LCLAT1: variants seen among roughly 807,000 people sequenced by gnomAD.
The protein encoded by LCLAT1 is lysocardiolipin acyltransferase 1.
LCLAT1 carries 11 observed loss-of-function variants against 30.7 expected under a neutral mutation model. The observed-to-expected ratio is 0.36, with a 90% CI of 0.23 to 0.59. LCLAT1 has a LOEUF of 0.59. Ranked by LOEUF, LCLAT1 falls within the 20% of genes least tolerant of loss-of-function variation. LCLAT1 has a pLI of 0.77. For missense variants in LCLAT1, 402 were observed against 458.6 expected (o/e 0.88, Z 1.13); for synonymous variants, 155 against 151.3 (o/e 1.02, Z -0.18).
intron 1 of LCLAT1, among the ~76,000 whole-genome samples, chr2:30,463,484 A>G (rs1682270418): frequency 1.3e-5 from 2 of 152,198 alleles, no homozygotes; most frequent in African/African-American, 4.8e-5. Flanking sequence ...ATGTTAATGT[A>G]TAGTCAGCCC....
chr2:30,486,831 A>T (rs891723980), intron 1 of LCLAT1, among the ~76,000 whole-genome samples: 1 of 152,194 alleles, frequency 6.6e-6, no homozygotes, highest in Non-Finnish European at 1.5e-5. Context: ...CTGAATGACT[A>T]TGTAAGAGAA....
At chr2:30,587,919 A>G (rs956089022) in intron 5 of LCLAT1, among the ~76,000 whole-genome samples, 3 of 152,246 alleles carry the variant, frequency 2.0e-5, no homozygotes, top group East Asian at 1.9e-4. Context: ...TTCCTAGCCT[A>G]AAGATACAGA....
chr2:30,554,444 G>T (rs1386244352), intron 3 of LCLAT1, among the ~76,000 whole-genome samples: 1 of 152,206 alleles, frequency 6.6e-6, no homozygotes, highest in African/African-American at 2.4e-5. Context: ...CAGAGAGGTT[G>T]TTTAGTACCG....
At chr2:30,576,546 A>C (rs957535563) in intron 5 of LCLAT1, among the ~76,000 whole-genome samples, 12 of 152,136 alleles carry the variant, frequency 7.9e-5, no homozygotes, top group African/African-American at 2.9e-4. Flanking sequence ...ATGAAAATCA[A>C]AATTCTCAGC....
intron 3 of LCLAT1, among the ~76,000 whole-genome samples, chr2:30,555,843 T>TC (rs1414216646): frequency 6.7e-6 from 1 of 149,342 alleles, no homozygotes; most frequent in Admixed American, 6.7e-5. Flanking sequence ...CTTTTTCTTT[T>TC]TTTTTTTTTT....
intron 1 of LCLAT1, among the ~76,000 whole-genome samples, chr2:30,484,372 T>G (rs1256460896): frequency 7.9e-5 from 12 of 152,182 alleles, no homozygotes; most frequent in Admixed American, 7.9e-4. Context: ...TCAGTCATTT[T>G]GAAAGCCACA....
intron 1 of LCLAT1, among the ~76,000 whole-genome samples, chr2:30,510,279 G>T (rs926876807): frequency 8.5e-5 from 13 of 152,128 alleles, no homozygotes; most frequent in Admixed American, 8.5e-4. Context: ...CTTTTTAAAA[G>T]ATTGTATGGG....
chr2:30,543,132 G>A (rs1664230925), intron 3 of LCLAT1, among the ~76,000 whole-genome samples: 1 of 151,952 alleles, frequency 6.6e-6, no homozygotes, highest in South Asian at 2.1e-4. Flanking sequence ...TTAGGTTGAG[G>A]AGTTCCCTTC....
At chr2:30,621,679 C>A (rs1668257566) in intron 5 of LCLAT1, among the ~76,000 whole-genome samples, 2 of 152,028 alleles carry the variant, frequency 1.3e-5, no homozygotes, top group Admixed American at 1.3e-4. Flanking sequence ...TTGACCTTAC[C>A]TGGAGCTGAG....
chr2:30,603,963 A>T (rs899169941), intron 5 of LCLAT1, among the ~76,000 whole-genome samples: 1 of 152,216 alleles, frequency 6.6e-6, no homozygotes, highest in African/African-American at 2.4e-5. Context: ...GATTTGTGGA[A>T]TAAGAAATGT....
At position 30,495,593 on chromosome 2, in the gene LCLAT1, C is replaced by T. The variant is rs116725431; in HGVS notation, c.-4-29994C>T. On this transcript the variant is annotated intron_variant, in intron 1 of 5. Transcript: ENST00000379509. Reference sequence around the variant, plus strand: ...GAAAGAAAAAGCACCAACAGATTTCCAAAATGCTCTTAGAGGGGTAGTGCC... The same window carrying T: ...GAAAGAAAAAGCACCAACAGATTTCTAAAATGCTCTTAGAGGGGTAGTGCC... Among the ~76,000 whole-genome samples the T allele has an allele frequency of 6.0e-3, 913 of 152,014 alleles. 4 individuals are homozygous for T. Among genetic ancestry groups the T allele is most frequent in the Non-Finnish European group, 8.9e-3 (603 of 67,964 alleles).
intron 1 of LCLAT1, among the ~76,000 whole-genome samples, chr2:30,475,201 G>T (rs917297784): frequency 1.3e-5 from 2 of 151,426 alleles, no homozygotes; most frequent in Non-Finnish European, 2.9e-5. Flanking sequence ...GTCTCACTGT[G>T]TTGCCCAGGC....
intron 1 of LCLAT1, among the ~76,000 whole-genome samples, chr2:30,522,763 C>G (rs1303269380): frequency 6.6e-6 from 1 of 152,192 alleles, no homozygotes; most frequent in African/African-American, 2.4e-5. Flanking sequence ...ACCTTTCTAC[C>G]TGCTTAAGTC....
intron 5 of LCLAT1, among the ~76,000 whole-genome samples, chr2:30,619,981 T>TA (rs1250127921): frequency 6.6e-6 from 1 of 152,134 alleles, no homozygotes. Context: ...TCCTGTAAGT[T>TA]AAAATTGTTG....
chr2:30,573,194 A>T (rs1665859294), intron 5 of LCLAT1, among the ~76,000 whole-genome samples: 1 of 152,202 alleles, frequency 6.6e-6, no homozygotes, highest in African/African-American at 2.4e-5. Flanking sequence ...CATGCTGTGA[A>T]ATCCCAAACA....
chr2:30,502,503 A>T (rs986051218), intron 1 of LCLAT1, among the ~76,000 whole-genome samples: 2 of 152,110 alleles, frequency 1.3e-5, no homozygotes, highest in Admixed American at 6.6e-5. Flanking sequence ...CTTTGTACTA[A>T]TTAGTAGTCA....
chr2:30,602,100 C>T (rs1430701727), intron 5 of LCLAT1, among the ~76,000 whole-genome samples: 2 of 152,004 alleles, frequency 1.3e-5, no homozygotes, highest in Admixed American at 1.3e-4. Flanking sequence ...AATAGGATTT[C>T]AGGTGGCAGG....
intron 1 of LCLAT1, among the ~76,000 whole-genome samples, chr2:30,499,373 G>T (rs829668): frequency 2.0e-5 from 3 of 151,932 alleles, no homozygotes; most frequent in Non-Finnish European, 4.4e-5. Flanking sequence ...GTAGAGACAG[G>T]GTTTCGCCAT....
At chr2:30,563,606 T>G (rs1665339905) in intron 4 of LCLAT1, among the ~76,000 whole-genome samples, 1 of 152,186 alleles carries the variant, frequency 6.6e-6, no homozygotes, top group Non-Finnish European at 1.5e-5. Flanking sequence ...GTCTAAAATC[T>G]GTAGTAGTAT....
Sources: allele counts gnomAD v4.1 joint callset (sites outside exome capture counted in the v4.1 genomes callset), GRCh38; gene constraint gnomAD v4.1.1; transcripts MANE v1.5; gene names NCBI Gene and HGNC (gene_info 2026-07-23, HGNC 2026-07-21).